The following RFX3 variants were observed in gnomAD, a reference collection of about 807,000 sequenced individuals.
RFX3 encodes transcription factor RFX3.
A neutral mutation model predicts 98.6 loss-of-function variants in RFX3; 14 were observed. That is an observed-to-expected ratio of 0.14 (90% CI 0.09 to 0.22). The LOEUF (loss-of-function observed/expected upper bound fraction) is 0.22. RFX3 is among the 10% of genes least tolerant of loss of function. The probability of loss-of-function intolerance (pLI) is 1.00; values close to 1 mark genes in which losing one functional copy is unlikely to be tolerated. For missense variants in RFX3, 639 were observed against 926.9 expected, an observed-to-expected ratio of 0.69 and a Z score of 4.03; for synonymous variants, 383 against 328.4, an observed-to-expected ratio of 1.17 and a Z score of -1.80.
intron 1 of RFX3, among the ~76,000 whole-genome samples, chr9:3,411,625 G>A (rs1842474102): frequency 1.3e-5 from 2 of 150,408 alleles, no homozygotes; most frequent in East Asian, 1.9e-4. Context: ...ATAGGTGTGT[G>A]ACACCACATC....
intron 1 of RFX3, among the ~76,000 whole-genome samples, chr9:3,460,344 A>G (rs531248010): frequency 6.6e-6 from 1 of 152,212 alleles, no homozygotes; most frequent in Non-Finnish European, 1.5e-5. Context: ...CACCAATTTA[A>G]GAACACAAAT....
At chr9:3,504,483 A>T (rs1203408914) in intron 1 of RFX3, among the ~76,000 whole-genome samples, 1 of 128,620 alleles carries the variant, frequency 7.8e-6, no homozygotes, top group African/African-American at 2.9e-5. Flanking sequence ...TTGTATATAA[A>T]ATATATATTA....
chr9:3,367,232 A>G (rs1248917654), intron 2 of RFX3, among the ~76,000 whole-genome samples: 1 of 152,170 alleles, frequency 6.6e-6, no homozygotes, highest in African/African-American at 2.4e-5. Flanking sequence ...AGTCAGAGTC[A>G]ATACATAAGG....
At chr9:3,370,166 G>C (rs1837675949) in intron 2 of RFX3, among the ~76,000 whole-genome samples, 1 of 147,912 alleles carries the variant, frequency 6.8e-6, no homozygotes, top group Admixed American at 6.7e-5. Context: ...AAGACTGCTG[G>C]TTAGGATGTT....
Position 3,330,391 on chromosome 9 carries a change from G to A in RFX3, c.342C>T (p.Gly114=). The change falls in exon 4 of 17, where the codon GGC becomes GGT. Residue 114 remains glycine (G), a synonymous_variant. Coordinates refer to ENST00000617270, the MANE Select transcript of RFX3 (RefSeq NM_001282116.2). ...TTVVSSHSMV[G]TGGIQMGVTG... is the part of the protein sequence containing the mutation. ...TGACGCCCATCTGAATCCCACCAGT[G>A]CCCACCATACTGTGGGATGAGACCA... The A allele has an allele frequency of 6.2e-7, 1 of 1,614,088 alleles. No individual in the cohort carries two copies. Among genetic ancestry groups the A allele is most frequent in the Non-Finnish European group, 8.5e-7 (1 of 1,180,026 alleles).
chr9:3,519,843 TACA>T (rs1818526557), intron 1 of RFX3, among the ~76,000 whole-genome samples: 2 of 151,378 alleles, frequency 1.3e-5, no homozygotes, highest in Non-Finnish European at 2.9e-5. Context: ...AAATAAAAAC[TACA>T]AATATAAAGA....
chr9:3,514,423 AT>A (rs1817944762), intron 1 of RFX3, among the ~76,000 whole-genome samples: 1 of 152,032 alleles, frequency 6.6e-6, no homozygotes, highest in Admixed American at 6.6e-5. Context: ...TTGAAAAGTA[AT>A]TTTTTTAACC....
chr9:3,232,417 C>T (rs1285592761), intron 15 of RFX3, among the ~76,000 whole-genome samples: 1 of 152,190 alleles, frequency 6.6e-6, no homozygotes, highest in East Asian at 1.9e-4. Context: ...ATCATGCTCA[C>T]TTCCTACAAA....
chr9:3,518,651 T>C (rs568979102), intron 1 of RFX3, among the ~76,000 whole-genome samples: 64 of 152,284 alleles, frequency 4.2e-4, no homozygotes, highest in African/African-American at 1.3e-3. Flanking sequence ...AGGAAAAATA[T>C]AGAAATAAAG....
intron 3 of RFX3, among the ~76,000 whole-genome samples, chr9:3,332,993 C>A (rs1832768329): frequency 6.6e-6 from 1 of 152,162 alleles, no homozygotes; most frequent in East Asian, 1.9e-4. Flanking sequence ...TCTGTACTTT[C>A]CCAACATCCT....
chr9:3,357,191 G>A (rs1486704812), intron 2 of RFX3, among the ~76,000 whole-genome samples: 1 of 151,808 alleles, frequency 6.6e-6, no homozygotes, highest in Non-Finnish European at 1.5e-5. Flanking sequence ...AAATAACCAG[G>A]ACACAAAATC....
At chr9:3,457,255 A>G (rs953336568) in intron 1 of RFX3, among the ~76,000 whole-genome samples, 3 of 151,712 alleles carry the variant, frequency 2.0e-5, no homozygotes, top group African/African-American at 7.3e-5. Context: ...TTTTGAAAAT[A>G]AAAACAGTAT....
chr9:3,356,917 A>C (rs1835835438), intron 2 of RFX3, among the ~76,000 whole-genome samples: 1 of 150,646 alleles, frequency 6.6e-6, no homozygotes, highest in South Asian at 2.1e-4. Context: ...CATTTGACAA[A>C]ACTCAACGTC....
intron 4 of RFX3, among the ~76,000 whole-genome samples, chr9:3,325,329 T>C (rs1187385312): frequency 6.6e-6 from 1 of 152,110 alleles, no homozygotes; most frequent in African/African-American, 2.4e-5. Flanking sequence ...CTATTAATTA[T>C]ATAAACTAGG....
In RFX3 at chr9:3,224,257, T is replaced by A. The variant is rs1252025834; in HGVS notation, c.*785A>T. The A allele has an allele frequency of 6.6e-6, 1 of 152,072 alleles. No homozygotes were observed. Among genetic ancestry groups the A allele is most frequent in the Non-Finnish European group, 1.5e-5 (1 of 68,008 alleles). 9.4% of individuals were successfully genotyped at this position (152,072 alleles called of 1,614,324 possible). A position where few individuals can be genotyped will look rare whatever the true frequency, so the allele number is the denominator to read the frequency against. On this transcript the variant is annotated 3_prime_UTR_variant, in exon 17 of 17. Coordinates refer to ENST00000617270, the MANE Select transcript of RFX3 (RefSeq NM_001282116.2). Reference sequence around the variant, plus strand: ...ACAGCAGAATGCATCTGTGCAGTGGTCCCAAATACAGAATCAGTAGTCTTT... The same window carrying A: ...ACAGCAGAATGCATCTGTGCAGTGGACCCAAATACAGAATCAGTAGTCTTT...
intron 1 of RFX3, among the ~76,000 whole-genome samples, chr9:3,474,684 G>A (rs532761095): frequency 6.6e-6 from 1 of 152,198 alleles, no homozygotes; most frequent in African/African-American, 2.4e-5. Flanking sequence ...TCCAGAAACA[G>A]TGCTTATTTG....
intron 4 of RFX3, among the ~76,000 whole-genome samples, chr9:3,324,433 T>C (rs1435376921): frequency 6.6e-6 from 1 of 152,112 alleles, no homozygotes; most frequent in African/African-American, 2.4e-5. Flanking sequence ...TTTTTTCCTC[T>C]GGTAAGATAG....
chr9:3,328,106 C>G (rs1235214286), intron 4 of RFX3, among the ~76,000 whole-genome samples: 1 of 151,886 alleles, frequency 6.6e-6, no homozygotes, highest in Non-Finnish European at 1.5e-5. Context: ...AATGGGGTTT[C>G]GAAGGATGGT....
chr9:3,340,594 G>C (rs1018786517), intron 3 of RFX3, among the ~76,000 whole-genome samples: 3 of 152,206 alleles, frequency 2.0e-5, no homozygotes, highest in Admixed American at 6.5e-5. Context: ...GTGGGCGAAG[G>C]ATATGAACAG....
Sources: gnomAD v4.1 joint callset for allele counts (sites outside exome capture counted in the v4.1 genomes callset) on GRCh38, gnomAD v4.1.1 for gene constraint, MANE v1.5 for transcripts, NCBI Gene and HGNC (gene_info 2026-07-23, HGNC 2026-07-21) for gene names.